SETD3: variants seen among roughly 807,000 people sequenced by gnomAD.
SETD3 encodes SET domain containing 3, actin N3(tau)-histidine methyltransferase.
SETD3 carries 19 observed loss-of-function variants against 63.0 expected under a neutral mutation model. The observed-to-expected ratio is 0.30, with a 90% confidence interval of 0.21 to 0.44. SETD3 has a LOEUF of 0.44. Ranked by LOEUF, SETD3 falls within the 20% of genes least tolerant of loss-of-function variation. The pLI, the probability that SETD3 is intolerant of heterozygous loss-of-function variation, is 1.00. For missense variants in SETD3, 587 were observed against 728.5 expected (o/e 0.81, Z 2.24); for synonymous variants, 286 against 264.1 (o/e 1.08, Z -0.80).
At chr14:99,479,410 TA>T (rs1450052039) in intron 1 of SETD3, among the ~76,000 whole-genome samples, 4 of 152,238 alleles carry the variant, frequency 2.6e-5, no homozygotes, top group Admixed American at 2.6e-4. Flanking sequence ...GTAGCCCGTA[TA>T]AACACAGTAC....
intron 6 of SETD3, among the ~76,000 whole-genome samples, chr14:99,447,095 C>G (rs1894177327): frequency 6.6e-6 from 1 of 152,114 alleles, no homozygotes; most frequent in Admixed American, 6.5e-5. Context: ...CCTCAGCCTC[C>G]CAAGTATCTG....
At position 99,398,418 on chromosome 14, in the gene SETD3, A is replaced by C. The variant is rs1891200317; in HGVS notation, c.*261T>G. 1 of 445,888 alleles carries C rather than the reference A, an allele frequency of 2.2e-6. No individual in the cohort carries two copies. The highest frequency in any genetic ancestry group is 4.0e-6 in the Non-Finnish European group (1 of 249,966). The allele number at this position is 445,888 out of a possible 1,614,324, so 27.6% of individuals were successfully genotyped here. A position where few individuals can be genotyped will look rare whatever the true frequency, so the allele number is the denominator to read the frequency against. Reference sequence around the variant, plus strand: ...ACCTATACCCACAATAGGTCTGCAAAATCTCCCACAGGCACCTCTTCTCCC... The same window carrying C: ...ACCTATACCCACAATAGGTCTGCAACATCTCCCACAGGCACCTCTTCTCCC... On this transcript the variant is annotated 3_prime_UTR_variant, in exon 13 of 13. Coordinates refer to ENST00000331768, the MANE Select transcript of SETD3 (RefSeq NM_032233.3).
intron 6 of SETD3, among the ~76,000 whole-genome samples, chr14:99,457,699 G>A (rs941554): frequency 0.5 from 76,316 of 151,984 alleles, 19,718 homozygotes; most frequent in Non-Finnish European, 0.58. Context: ...TCTGACTGCT[G>A]TTCAACTGCA....
chr14:99,413,739 T>C, intron 7 of SETD3, 137 bp downstream of exon 7: 3 of 776,248 alleles, frequency 3.9e-6, no homozygotes, highest in Non-Finnish European at 6.5e-6. Context: ...TGATAACTTC[T>C]GAAAGATGAG....
At position 99,404,277 on chromosome 14, in the gene SETD3, C is replaced by A. The variant is rs139142236; in HGVS notation, c.1125G>T (p.Pro375=). 4 of 1,614,032 alleles carry A rather than the reference C, an allele frequency of 2.5e-6. No homozygotes were observed. The South Asian group carries it at 3.3e-5, about 13-fold the overall frequency. Residue 375 remains proline, a synonymous_variant, in exon 11 of 13, where the codon CCG becomes CCT. Coordinates refer to ENST00000331768, the MANE Select transcript of SETD3 (RefSeq NM_032233.3). ...AAGCCAAAAGCTGAGCAGAGATGGG[C>A]GGCTCGGTAAAATGCAATGCAAAAA... The part of the protein sequence containing the change: ...SSVFALHFTE[P]PISAQLLAFL...
At chr14:99,419,273 T>C (rs967899046) in intron 6 of SETD3, among the ~76,000 whole-genome samples, 7 of 152,192 alleles carry the variant, frequency 4.6e-5, no homozygotes, top group Non-Finnish European at 8.8e-5. Flanking sequence ...TTATATATAA[T>C]TTTTCTATGA....
At chr14:99,442,563 A>G (rs553181526) in intron 6 of SETD3, among the ~76,000 whole-genome samples, 1 of 152,332 alleles carries the variant, frequency 6.6e-6, no homozygotes, top group South Asian at 2.1e-4. Flanking sequence ...CAATGTCACA[A>G]TGACGAAGAT....
chr14:99,476,338 G>A (rs1895971085), intron 1 of SETD3, among the ~76,000 whole-genome samples: 1 of 152,138 alleles, frequency 6.6e-6, no homozygotes, highest in Non-Finnish European at 1.5e-5. Flanking sequence ...CTATTCCCTT[G>A]CACTGATAAA....
intron 6 of SETD3, among the ~76,000 whole-genome samples, chr14:99,432,923 T>C (rs573806726): frequency 6.6e-6 from 1 of 152,046 alleles, no homozygotes; most frequent in African/African-American, 2.4e-5. Flanking sequence ...GGAGTTCTTA[T>C]AAAGGACACA....
Position 99,461,333 on chromosome 14 carries a change from G to A in SETD3, c.204C>T (p.Ser68=), listed in dbSNP as rs1023276607. ...EKIRKKQKGL[S]VTFDGKREDY... The stretch of plus-strand genomic sequence containing the variant: ...CTTCTCTTTTTCCATCAAAAGTAAC[G>A]GACAGACCTATATTAATCCACGTTT... Residue 68 remains serine, a synonymous_variant, in exon 4 of 13, where the codon TCC becomes TCT. Coordinates refer to ENST00000331768, the MANE Select transcript of SETD3 (RefSeq NM_032233.3). 4.3e-6 allele frequency: 7 copies of A among 1,613,670 alleles called. No individual in the cohort carries two copies. Among genetic ancestry groups the A allele is most frequent in the South Asian group, 2.2e-5 (2 of 91,048 alleles).
At chr14:99,415,004 A>G (rs187709781) in intron 6 of SETD3, among the ~76,000 whole-genome samples, 52 of 152,258 alleles carry the variant, frequency 3.4e-4, no homozygotes, top group African/African-American at 1.1e-3. Flanking sequence ...GGGATGAGGT[A>G]AAAGTAGCTA....
At chr14:99,421,171 T>C (rs1334493806) in intron 6 of SETD3, among the ~76,000 whole-genome samples, 1 of 150,912 alleles carries the variant, frequency 6.6e-6, no homozygotes, top group Non-Finnish European at 1.5e-5. Context: ...GATCAATGCT[T>C]ATTCAAAAGA....
At chr14:99,442,609 T>C (rs757485381) in intron 6 of SETD3, among the ~76,000 whole-genome samples, 18 of 152,326 alleles carry the variant, frequency 1.2e-4, no homozygotes, top group Non-Finnish European at 2.2e-4. Flanking sequence ...CACTAATGAA[T>C]AGGAAATGTA....
intron 6 of SETD3, among the ~76,000 whole-genome samples, chr14:99,425,294 T>G (rs1013083549): frequency 2.0e-5 from 3 of 152,200 alleles, no homozygotes; most frequent in Non-Finnish European, 4.4e-5. Context: ...GCCATCCACG[T>G]GCACACCTTG....
At chr14:99,414,137 C>A (rs1444830366) in intron 6 of SETD3, among the ~76,000 whole-genome samples, 1 of 152,272 alleles carries the variant, frequency 6.6e-6, no homozygotes, top group African/African-American at 2.4e-5. Context: ...TTGTGCCCAG[C>A]AGCCGCCATA....
chr14:99,408,359 C>T (rs1205693661), intron 8 of SETD3, among the ~76,000 whole-genome samples: 4 of 152,156 alleles, frequency 2.6e-5, no homozygotes, highest in African/African-American at 7.2e-5. Flanking sequence ...GAATGAAAAT[C>T]AACTCCATGA....
At chr14:99,473,662 C>G (rs941025760) in intron 1 of SETD3, among the ~76,000 whole-genome samples, 2 of 152,190 alleles carry the variant, frequency 1.3e-5, no homozygotes, top group Admixed American at 1.3e-4. Flanking sequence ...AAAGCACACT[C>G]GAGAGAGTGT....
At chr14:99,452,845 C>CG (rs1476471886) in intron 6 of SETD3, among the ~76,000 whole-genome samples, 113 of 151,646 alleles carry the variant, frequency 7.5e-4, no homozygotes, top group East Asian at 2.5e-3. Context: ...GCAGGCAGAT[C>CG]GCGGGGGGAG....
intron 6 of SETD3, among the ~76,000 whole-genome samples, chr14:99,440,591 G>T (rs1160182873): frequency 6.6e-6 from 1 of 152,152 alleles, no homozygotes; most frequent in Non-Finnish European, 1.5e-5. Context: ...CTGGCTGGAG[G>T]ACTCAGGAGT....
Sources: gnomAD v4.1 joint callset for allele counts (sites outside exome capture counted in the v4.1 genomes callset) on GRCh38, gnomAD v4.1.1 for gene constraint, MANE v1.5 for transcripts, NCBI Gene and HGNC (gene_info 2026-07-23, HGNC 2026-07-21) for gene names.